The following PTPRD variants were observed in gnomAD, a reference collection of about 807,000 sequenced individuals.
PTPRD encodes the protein protein tyrosine phosphatase receptor type D.
A neutral mutation model predicts 214.5 loss-of-function variants in PTPRD; 34 were observed. The ratio of observed to expected loss-of-function variants is 0.16; its 90% CI spans 0.12 to 0.21. The LOEUF is 0.21. Ranked by LOEUF, PTPRD falls within the 10% of genes least tolerant of loss-of-function variation. PTPRD has a pLI of 1.00. For synonymous variants in PTPRD, 1,128 were observed against 845.7 expected, an observed-to-expected ratio of 1.33 and a Z score of -5.79; for missense variants, 2,545 against 2,398.7, an observed-to-expected ratio of 1.06 and a Z score of -1.27.
At chr9:10,389,841 C>T (rs927439885) in intron 2 of PTPRD, among the ~76,000 whole-genome samples, 1 of 151,774 alleles carries the variant, frequency 6.6e-6, no homozygotes, top group South Asian at 2.1e-4. Flanking sequence ...ATTCGAGATC[C>T]TTCTTTTTTT....
intron 6 of PTPRD, among the ~76,000 whole-genome samples, chr9:9,743,916 C>T (rs1014360113): frequency 7.9e-5 from 12 of 152,222 alleles, no homozygotes; most frequent in African/African-American, 2.9e-4. Context: ...ATTGTAGCCT[C>T]TCTACTCCTT....
At chr9:8,428,302 T>A (rs10739162) in intron 35 of PTPRD, among the ~76,000 whole-genome samples, 4 of 151,898 alleles carry the variant, frequency 2.6e-5, no homozygotes, top group African/African-American at 9.7e-5. Context: ...CCAATCCCAG[T>A]GTATTAGGAG....
chr9:8,541,933 C>T (rs925285458), intron 14 of PTPRD, among the ~76,000 whole-genome samples: 15 of 151,866 alleles, frequency 9.9e-5, no homozygotes, highest in African/African-American at 3.6e-4. Context: ...TGGAAAATAA[C>T]CCAATCAAAG....
intron 4 of PTPRD, among the ~76,000 whole-genome samples, chr9:9,944,749 T>C (rs1207518030): frequency 6.6e-6 from 1 of 151,800 alleles, no homozygotes; most frequent in Non-Finnish European, 1.5e-5. Context: ...GGAGAGTAGG[T>C]CAGGGTAATG....
At chr9:8,768,303 C>T (rs1307906428) in intron 11 of PTPRD, among the ~76,000 whole-genome samples, 3 of 152,184 alleles carry the variant, frequency 2.0e-5, no homozygotes, top group African/African-American at 7.2e-5. Flanking sequence ...GTAATCCCAA[C>T]ACTTTGGGAG....
At chr9:8,565,618 T>G (rs548745179) in intron 14 of PTPRD, among the ~76,000 whole-genome samples, 1 of 151,832 alleles carries the variant, frequency 6.6e-6, no homozygotes, top group South Asian at 2.1e-4. Context: ...GACATAAAAA[T>G]TATATGAAAA....
chr9:9,922,175 G>C (rs961733960), intron 5 of PTPRD, among the ~76,000 whole-genome samples: 1 of 152,052 alleles, frequency 6.6e-6, no homozygotes, highest in African/African-American at 2.4e-5. Context: ...TAGAAGGCAC[G>C]AATGAACTGC....
intron 10 of PTPRD, among the ~76,000 whole-genome samples, chr9:9,098,087 A>T (rs897492916): frequency 6.6e-5 from 10 of 151,816 alleles, no homozygotes; most frequent in African/African-American, 2.4e-4. Flanking sequence ...ATTTATATGG[A>T]TTTTGTGTAA....
chr9:8,562,365 T>C (rs2154211992), intron 14 of PTPRD, among the ~76,000 whole-genome samples: 1 of 152,174 alleles, frequency 6.6e-6, no homozygotes, highest in African/African-American at 2.4e-5. Flanking sequence ...AAAAATTAAG[T>C]ATTTTTTGAA....
chr9:9,479,144 A>T (rs2095269066), intron 8 of PTPRD, among the ~76,000 whole-genome samples: 1 of 149,362 alleles, frequency 6.7e-6, no homozygotes, highest in Admixed American at 6.8e-5. Flanking sequence ...CTAGATGGTC[A>T]TTTTTATTGT....
At chr9:8,840,720 C>T (rs915387094) in intron 11 of PTPRD, among the ~76,000 whole-genome samples, 5 of 152,128 alleles carry the variant, frequency 3.3e-5, no homozygotes, top group Admixed American at 6.5e-5. Context: ...ATTTCAAACA[C>T]CACATCTCTC....
chr9:8,766,576 C>A (rs952463933), intron 11 of PTPRD, among the ~76,000 whole-genome samples: 6 of 152,148 alleles, frequency 3.9e-5, no homozygotes, highest in African/African-American at 1.4e-4. Flanking sequence ...AACACTGCAG[C>A]ACAAAAGCAC....
chr9:8,992,928 G>A (rs2099383027), intron 11 of PTPRD, among the ~76,000 whole-genome samples: 2 of 152,096 alleles, frequency 1.3e-5, no homozygotes, highest in Non-Finnish European at 2.9e-5. Context: ...TGGTGAGGCT[G>A]ATTTTGGTTT....
At chr9:8,413,736 G>C (rs2093695343) in intron 35 of PTPRD, among the ~76,000 whole-genome samples, 1 of 152,104 alleles carries the variant, frequency 6.6e-6, no homozygotes, top group African/African-American at 2.4e-5. Context: ...TAAAGTGTCA[G>C]TATATTTGTC....
At chr9:9,126,429 A>G (rs1263717860) in intron 10 of PTPRD, among the ~76,000 whole-genome samples, 1 of 152,222 alleles carries the variant, frequency 6.6e-6, no homozygotes, top group African/African-American at 2.4e-5. Context: ...AGAAATTGTG[A>G]CTTTAAGTGA....
chr9:9,710,238 A>C lies in PTPRD; in HGVS notation c.-287+24295T>G, dbSNP rs374880689. Among the ~76,000 whole-genome samples the C allele has an allele frequency of 4.6e-5, 7 of 152,248 alleles. 1 individual carries two copies. Among genetic ancestry groups the C allele is most frequent in the African/African-American group, 1.7e-4 (7 of 41,586 alleles). On this transcript the variant is annotated intron_variant, in intron 7 of 45. Transcript: ENST00000381196. ...CATTTTCCTTTTTTTCTTTATAGAAACTAAAGCTCAAATAAGACTAGGTTA... is the reference window on the plus strand; with the variant it reads ...CATTTTCCTTTTTTTCTTTATAGAACCTAAAGCTCAAATAAGACTAGGTTA...
chr9:10,367,288 G>C (rs1043039936), intron 2 of PTPRD, among the ~76,000 whole-genome samples: 1 of 152,074 alleles, frequency 6.6e-6, no homozygotes, highest in Non-Finnish European at 1.5e-5. Flanking sequence ...AAAGGGTAAC[G>C]AAGAAATCCT....
intron 5 of PTPRD, among the ~76,000 whole-genome samples, chr9:9,894,518 TTTTCA>T (rs544770877): frequency 1.5e-3 from 228 of 152,100 alleles, no homozygotes; most frequent in African/African-American, 5.2e-3. Flanking sequence ...ACCTATTTTC[TTTTCA>T]TATTTGTCTA....
intron 12 of PTPRD, among the ~76,000 whole-genome samples, chr9:8,673,754 G>A (rs1247349088): frequency 1.3e-5 from 2 of 152,142 alleles, no homozygotes; most frequent in African/African-American, 4.8e-5. Flanking sequence ...CTCTATTTGT[G>A]TATGTTCAAT....
Sources: allele counts gnomAD v4.1 joint callset (sites outside exome capture counted in the v4.1 genomes callset), GRCh38; gene constraint gnomAD v4.1.1; transcripts MANE v1.5; gene names NCBI Gene and HGNC (gene_info 2026-07-23, HGNC 2026-07-21).